MLLT1: variants seen among roughly 807,000 people sequenced by gnomAD.
The protein encoded by MLLT1 is MLLT1 super elongation complex subunit.
Under a neutral mutation model 55.1 loss-of-function variants are expected in MLLT1, and 11 were observed. That is an observed-to-expected ratio of 0.20 (90% CI 0.13 to 0.33). MLLT1 has a LOEUF of 0.33. Among genes scored for constraint, MLLT1 ranks in the 10% least tolerant of loss-of-function variants. The probability of loss-of-function intolerance (pLI) is 1.00; values close to 1 mark genes in which losing one functional copy is unlikely to be tolerated. For missense variants in MLLT1, 536 were observed against 760.6 expected (o/e 0.70, Z 3.47); for synonymous variants, 323 against 320.1 (o/e 1.01, Z -0.10).
At position 6,235,645 on chromosome 19, in the gene MLLT1, G is replaced by A. The variant is rs751068816; in HGVS notation, c.277-4932C>T. Among the ~76,000 whole-genome samples, 1 of 152,054 alleles carries A rather than the reference G, an allele frequency of 6.6e-6. No homozygotes were observed. Among genetic ancestry groups the A allele is most frequent in the Admixed American group, 6.5e-5 (1 of 15,268 alleles). On this transcript the variant is annotated intron_variant, in intron 3 of 11. Transcript: ENST00000252674. This position sits in a 1 kb window ranked among gnomAD's most constrained non-coding sequence, Gnocchi z 5.5. ...CCCTGGCTGCACAGCGAGTCCAGCC[G>A]CTTCTCCCAAGCTCCTCAGCCAGCC...
chr19:6,218,736 C>A (rs1046980976), intron 6 of MLLT1, among the ~76,000 whole-genome samples: 1 of 152,182 alleles, frequency 6.6e-6, no homozygotes, highest in African/African-American at 2.4e-5. Context: ...GCAGGGCAGG[C>A]GTGTATGGGG....
chr19:6,271,037 A>G (rs952481956), intron 1 of MLLT1, among the ~76,000 whole-genome samples: 3 of 151,854 alleles, frequency 2.0e-5, no homozygotes, highest in Non-Finnish European at 2.9e-5. Flanking sequence ...TCCCCAGCTC[A>G]GCCCAGCTCA....
At position 6,262,445 on chromosome 19, in the gene MLLT1, A is replaced by G; in HGVS notation, c.194-135T>C. ...GCTGGCCTCTCGGGGGTGGCTTTTC[A>G]GGAGGTTAAGCCCCCGACAGGATTG... On this transcript the variant is annotated intron_variant, in intron 2 of 11. Transcript: ENST00000252674. The surrounding 1 kb of genome is among the most constrained non-coding windows in gnomAD (Gnocchi z 4.4). The G allele has an allele frequency of 1.5e-6, 1 of 646,292 alleles. No homozygotes were observed. Among genetic ancestry groups the G allele is most frequent in the Non-Finnish European group, 2.7e-6 (1 of 371,182 alleles). 40.0% of individuals were successfully genotyped at this position (646,292 alleles called of 1,614,324 possible). A position where few individuals can be genotyped will look rare whatever the true frequency, so the allele number is the denominator to read the frequency against.
chr19:6,276,925 A>AG (rs1412388839), intron 1 of MLLT1, among the ~76,000 whole-genome samples: 4 of 152,314 alleles, frequency 2.6e-5, no homozygotes, highest in Admixed American at 2.6e-4. Context: ...CCTGCTTCTT[A>AG]GGGGGGTCTG....
chr19:6,265,416 A>G (rs563822543), intron 2 of MLLT1, among the ~76,000 whole-genome samples: 56 of 152,320 alleles, frequency 3.7e-4, no homozygotes, highest in African/African-American at 1.3e-3. Flanking sequence ...CCCGCCTGTA[A>G]TCCCAGTACT....
rs1315461485 is a variant in MLLT1, at chr19:6,256,250, T to TAAAA, written c.276+5977_276+5978insTTTT. 6.8e-5 allele frequency among the ~76,000 whole-genome samples: 10 copies of TAAAA among 147,734 alleles called. No homozygotes were observed. The highest frequency in any genetic ancestry group is 2.0e-4 in the Admixed American group (3 of 14,906). On this transcript the variant is annotated intron_variant, in intron 3 of 11. Transcript: ENST00000252674. The surrounding 1 kb of genome is among the most constrained non-coding windows in gnomAD (Gnocchi z 4.1). ...ATAAATAAATAAATAAATAAATAAA[T>TAAAA]AAATAAAAAGACCAGCCTGGGCAAC...
rs762272651 is a variant in MLLT1 at position 6,270,428 on chromosome 19, G to A, written c.193+151C>T. On this transcript the variant is annotated intron_variant, in intron 2 of 11. Coordinates refer to ENST00000252674, the MANE Select transcript of MLLT1 (RefSeq NM_005934.4). This position sits in a 1 kb window ranked among gnomAD's most constrained non-coding sequence, Gnocchi z 7.1. ...CTAACTCAACAGCTGGAGGTGACAC[G>A]GCTCCAGTGCCCCCACGCCGAGGGA... is the stretch of plus-strand genomic sequence containing the variant. 137 of 745,830 alleles carry A rather than the reference G, an allele frequency of 1.8e-4. No homozygotes were observed. The highest frequency in any genetic ancestry group is 1.7e-3 in the East Asian group (58 of 34,280). 46.2% of individuals were successfully genotyped at this position (745,830 alleles called of 1,614,324 possible). A position where few individuals can be genotyped will look rare whatever the true frequency, so the allele number is the denominator to read the frequency against.
At chr19:6,248,272 G>T (rs528463561) in intron 3 of MLLT1, among the ~76,000 whole-genome samples, 1 of 152,290 alleles carries the variant, frequency 6.6e-6, no homozygotes, top group Non-Finnish European at 1.5e-5. Flanking sequence ...AACAAAACAG[G>T]TTATCTGCAC....
In MLLT1 at chr19:6,229,675, C is replaced by T. The variant is rs2090988937; in HGVS notation, c.420+895G>A. ...GACAGCGTATGTACATACCACACAA[C>T]ACACACACACGCCCCACACCCGTGA... is the stretch of plus-strand genomic sequence containing the variant. On this transcript the variant is annotated intron_variant, in intron 4 of 11. Coordinates refer to ENST00000252674, the MANE Select transcript of MLLT1 (RefSeq NM_005934.4). The surrounding 1 kb of genome is among the most constrained non-coding windows in gnomAD (Gnocchi z 5.2). 6.6e-6 allele frequency among the ~76,000 whole-genome samples: 1 copy of T among 151,654 alleles called. No individual in the cohort carries two copies. The highest frequency in any genetic ancestry group is 2.4e-5 in the African/African-American group (1 of 41,262).
chr19:6,220,657 G>A (rs1271601663), intron 6 of MLLT1, among the ~76,000 whole-genome samples: 1 of 152,232 alleles, frequency 6.6e-6, no homozygotes, highest in Non-Finnish European at 1.5e-5. Flanking sequence ...CCAGCGTGCT[G>A]CACACCCAGC....
chr19:6,222,658 G>A lies in MLLT1; in HGVS notation c.573C>T (p.Thr191=), dbSNP rs1407002826. The A allele has an allele frequency of 1.9e-6, 3 of 1,555,660 alleles. No homozygotes were observed. Among genetic ancestry groups the A allele is most frequent in the African/African-American group, 2.7e-5 (2 of 73,254 alleles). ...CCTTGGTCACCTTGTGTGGCTTGGA[G>A]GTCTTGCTGCTCTCCTTGTTGGCGT... ...SKDANKESSK[T]SKPHKVTKEH... The change falls in exon 6 of 12, where the codon ACC becomes ACT. Residue 191 remains threonine (T), a synonymous_variant. Transcript: ENST00000252674. The surrounding 1 kb of genome is among the most constrained non-coding windows in gnomAD (Gnocchi z 4.1).
Sources: gnomAD v4.1 joint callset for allele counts (sites outside exome capture counted in the v4.1 genomes callset) on GRCh38, gnomAD v4.1.1 for gene constraint, Gnocchi (gnomAD v3.1) non-coding constraint, MANE v1.5 for transcripts, NCBI Gene and HGNC (gene_info 2026-07-23, HGNC 2026-07-21) for gene names.